NUP62: variants seen among roughly 807,000 people sequenced by gnomAD.
The protein encoded by NUP62 is nucleoporin 62.
For missense variants in NUP62, 647 were observed against 689.4 expected, an observed-to-expected ratio of 0.94 and a Z score of 0.69; for synonymous variants, 305 against 303.4, an observed-to-expected ratio of 1.01 and a Z score of -0.05.
At chr19:49,920,555 G>T (rs1029296382) in intron 2 of NUP62, among the ~76,000 whole-genome samples, 1 of 152,228 alleles carries the variant, frequency 6.6e-6, no homozygotes, top group Non-Finnish European at 1.5e-5. Flanking sequence ...CAACCAGGGG[G>T]TGCTGGGAAG....
chr19:49,917,092 G>T (rs1181313279), intron 2 of NUP62, among the ~76,000 whole-genome samples: 1 of 152,226 alleles, frequency 6.6e-6, no homozygotes, highest in Non-Finnish European at 1.5e-5. Context: ...TTCAGATTTG[G>T]GGGAAGTATG....
intron 2 of NUP62, among the ~76,000 whole-genome samples, chr19:49,910,905 T>C (rs776527713): frequency 2.0e-5 from 3 of 151,434 alleles, no homozygotes; most frequent in Non-Finnish European, 4.4e-5. Flanking sequence ...TGAATAGGGG[T>C]GGTTTCTTTT....
In NUP62 at chr19:49,908,162, A is replaced by G; in HGVS notation, c.*77T>C. The stretch of plus-strand genomic sequence containing the variant: ...ACAAACAAACAAGTATCTTGCCACA[A>G]CCCCAAACTACAGACAACAGGGCGC... On this transcript the variant is annotated 3_prime_UTR_variant, in exon 3 of 3. Transcript: ENST00000352066. 1 of 1,567,876 alleles carries G rather than the reference A, an allele frequency of 6.4e-7. No homozygotes were observed. The highest frequency in any genetic ancestry group is 8.6e-7 in the Non-Finnish European group (1 of 1,161,024).
At position 49,925,256 on chromosome 19, in the gene NUP62, C is replaced by T. The variant is rs145504521; in HGVS notation, c.-78+2438G>A. On this transcript the variant is annotated intron_variant, in intron 2 of 2. Transcript: ENST00000352066. ...AGCCTGGGCAACAAGAGTGAAACTC[C>T]GTCTCAAAAAACCAAAAAAATTAAA... is the stretch of plus-strand genomic sequence containing the variant. Among the ~76,000 whole-genome samples the T allele has an allele frequency of 1.7e-3, 257 of 151,840 alleles. 6 individuals carry two copies. In the East Asian group the frequency reaches 0.046, roughly 27 times the overall value.
chr19:49,926,446 CTTGAATCTGGGAAGTGGAGGTTGAAGTGA>C (rs1160644443), intron 2 of NUP62, among the ~76,000 whole-genome samples: 1 of 151,998 alleles, frequency 6.6e-6, no homozygotes, highest in East Asian at 1.9e-4. Flanking sequence ...AGGAGAATTG[CTTGAATCTGGGAAGTGGAGGTTGAAGTGA>C]GCCAAGATCA....
At chr19:49,912,166 C>CTT (rs60350799) in intron 2 of NUP62, among the ~76,000 whole-genome samples, 2,589 of 115,454 alleles carry the variant, frequency 0.022, 108 homozygotes, top group East Asian at 0.059. Flanking sequence ...AACAGTTCAC[C>CTT]TTTTTTTTTT....
At chr19:49,926,380 A>G (rs1313028631) in intron 2 of NUP62, among the ~76,000 whole-genome samples, 1 of 152,022 alleles carries the variant, frequency 6.6e-6, no homozygotes, top group Non-Finnish European at 1.5e-5. Flanking sequence ...AAATACAAAA[A>G]TTAGCCAGGC....
At chr19:49,924,426 T>C (rs1338645754) in intron 2 of NUP62, among the ~76,000 whole-genome samples, 1 of 152,078 alleles carries the variant, frequency 6.6e-6, no homozygotes, top group Non-Finnish European at 1.5e-5. Context: ...TTGCCAGGTG[T>C]GCTGGGGTCC....
At chr19:49,920,168 T>G (rs1182812180) in intron 2 of NUP62, among the ~76,000 whole-genome samples, 1 of 151,996 alleles carries the variant, frequency 6.6e-6, no homozygotes, top group Admixed American at 6.6e-5. Context: ...TCGCAACCTC[T>G]GCCTCCCGGG....
At position 49,907,507 on chromosome 19, in the gene NUP62, G is replaced by A. The variant is rs370422917; in HGVS notation, c.*732C>T. 2.5e-4 allele frequency: 109 copies of A among 439,108 alleles called. No individual in the cohort carries two copies. Among genetic ancestry groups the A allele is most frequent in the African/African-American group, 2.1e-3 (100 of 48,232 alleles). 27.2% of individuals were successfully genotyped at this position (439,108 alleles called of 1,614,324 possible). ...CTTTCACAAGCACAAGCTCACACTC[G>A]AAAACTAGGCTGCTGTCTCCTGGGA... On this transcript the variant is annotated 3_prime_UTR_variant, in exon 3 of 3. Transcript: ENST00000352066.
At chr19:49,909,966 A>T in intron 2 of NUP62, 82 bp from the exon 3 acceptor site, 1 of 756,880 alleles carries the variant, frequency 1.3e-6, no homozygotes, top group Non-Finnish European at 2.3e-6. Context: ...GTCGGTTTGG[A>T]GGGTGGTGGG....
Position 49,921,614 on chromosome 19 carries a change from C to A in NUP62, c.-78+6080G>T, listed in dbSNP as rs2075767193. On this transcript the variant is annotated intron_variant, in intron 2 of 2. Coordinates refer to ENST00000352066, the MANE Select transcript of NUP62 (RefSeq NM_016553.5). This position sits in a 1 kb window ranked among gnomAD's most constrained non-coding sequence, Gnocchi z 5.4. ...AGAGGGCAAAGGAGTCTGCATCAAA[C>A]TGGGCTAAGGCCTGGCGCTCTGATG... is the stretch of plus-strand genomic sequence containing the variant. 6.6e-6 allele frequency among the ~76,000 whole-genome samples: 1 copy of A among 152,248 alleles called. No homozygotes were observed. Among genetic ancestry groups the A allele is most frequent in the African/African-American group, 2.4e-5 (1 of 41,466 alleles).
Position 49,907,447 on chromosome 19 carries a change from C to T in NUP62, c.*792G>A, listed in dbSNP as rs1008698909. 2.6e-5 allele frequency: 11 copies of T among 424,458 alleles called. No individual in the cohort carries two copies. The highest frequency in any genetic ancestry group is 1.2e-4 in the Admixed American group (4 of 33,174). The allele number at this position is 424,458 out of a possible 1,614,324, so 26.3% of individuals were successfully genotyped here. A position where few individuals can be genotyped will look rare whatever the true frequency, so the allele number is the denominator to read the frequency against. ...TTGATCCCGCTCTGTTCTATTCACA[C>T]TGTGCTGCTTTGCCTTGGTGGTTAG... On this transcript the variant is annotated 3_prime_UTR_variant, in exon 3 of 3. Transcript: ENST00000352066.
chr19:49,913,545 C>T (rs943655872), intron 2 of NUP62, among the ~76,000 whole-genome samples: 3 of 152,238 alleles, frequency 2.0e-5, no homozygotes, highest in South Asian at 2.1e-4. Context: ...GCCACTGCTC[C>T]GTAAGCGTTA....
Position 49,909,124 on chromosome 19 carries a change from A to G in NUP62, c.684T>C (p.Ala228=), listed in dbSNP as rs1600499714. Reference sequence around the variant, plus strand: ...GTCCAGTGGTGGCAGATGAGGTTGGAGCAGTTGCTATTGACGCAAAGAGGC... The same window carrying G: ...GTCCAGTGGTGGCAGATGAGGTTGGGGCAGTTGCTATTGACGCAAAGAGGC... ...GPSLFASIAT[A]PTSSATTGLS... The change falls in exon 3 of 3, where the codon GCT becomes GCC. Residue 228 remains alanine, a synonymous_variant. Coordinates refer to ENST00000352066, the MANE Select transcript of NUP62 (RefSeq NM_016553.5). 1 of 1,612,182 alleles carries G rather than the reference A, an allele frequency of 6.2e-7. No homozygotes were observed. Among genetic ancestry groups the G allele is most frequent in the Non-Finnish European group, 8.5e-7 (1 of 1,179,736 alleles).
chr19:49,924,999 C>T (rs2075852134), intron 2 of NUP62, among the ~76,000 whole-genome samples: 2 of 152,208 alleles, frequency 1.3e-5, no homozygotes, highest in Admixed American at 6.5e-5. Flanking sequence ...CGGTGGTTCA[C>T]GCCTGTAATA....
chr19:49,918,895 T>TGGGGGGGGGGGGGG (rs56129490), intron 2 of NUP62, among the ~76,000 whole-genome samples: 77 of 72,334 alleles, frequency 1.1e-3, no homozygotes, highest in African/African-American at 1.4e-3. Flanking sequence ...TTTGGGAGGC[T>TGGGGGGGGGGGGGG]GGGGGGGGGG....
At chr19:49,913,363 G>A (rs2122645940) in intron 2 of NUP62, among the ~76,000 whole-genome samples, 1 of 152,322 alleles carries the variant, frequency 6.6e-6, no homozygotes, top group South Asian at 2.1e-4. Context: ...CCAGATAAGA[G>A]CGCCTTTGTT....
chr19:49,916,722 C>G (rs968960958), intron 2 of NUP62, among the ~76,000 whole-genome samples: 8 of 151,782 alleles, frequency 5.3e-5, no homozygotes, highest in African/African-American at 1.7e-4. Context: ...CGAGATCACA[C>G]CACTGCACTC....
Sources: allele counts gnomAD v4.1 joint callset (sites outside exome capture counted in the v4.1 genomes callset), GRCh38; gene constraint gnomAD v4.1.1; non-coding constraint Gnocchi (gnomAD v3.1); transcripts MANE v1.5; gene names NCBI Gene and HGNC (gene_info 2026-07-23, HGNC 2026-07-21).